ANKRD28: variants seen among roughly 807,000 people sequenced by gnomAD.
ANKRD28 encodes the protein serine/threonine-protein phosphatase 6 regulatory ankyrin repeat subunit A.
In ANKRD28, 44 loss-of-function variants were observed where a neutral mutation model predicts 126.5. The ratio of observed to expected loss-of-function variants is 0.35; its 90% CI spans 0.27 to 0.45. The LOEUF is 0.45. Among genes scored for constraint, ANKRD28 ranks in the 20% least tolerant of loss-of-function variants. The pLI is 1.00. For synonymous variants in ANKRD28, 442 were observed against 468.5 expected (o/e 0.94, Z 0.73); for missense variants, 1,110 against 1,316.6 (o/e 0.84, Z 2.43).
chr3:15,724,328 A>C, intron 7 of ANKRD28, 54 bp downstream of exon 7: 1 of 1,403,186 alleles, frequency 7.1e-7, no homozygotes, highest in Non-Finnish European at 9.7e-7. Flanking sequence ...CAATAATGTA[A>C]TAGTAAGTAT....
chr3:15,680,366 G>A (rs1300724941), intron 21 of ANKRD28, among the ~76,000 whole-genome samples: 2 of 151,844 alleles, frequency 1.3e-5, no homozygotes. Context: ...ACCATGCCCA[G>A]CTAGCTTTTT....
chr3:15,859,377 C>G (rs529879064), exon 1 of ANKRD28: 1 of 1,529,340 alleles, frequency 6.5e-7, no homozygotes, highest in South Asian at 1.2e-5. Context: ...CCTCACCTAC[C>G]TGGTCACGGA....
At chr3:15,793,461 A>G (rs974337677) in intron 2 of ANKRD28, among the ~76,000 whole-genome samples, 2 of 152,302 alleles carry the variant, frequency 1.3e-5, no homozygotes, top group Non-Finnish European at 2.9e-5. Flanking sequence ...TGATGCTCTC[A>G]ATGACTCTGA....
chr3:15,845,986 A>G lies in ANKRD28; in HGVS notation c.27+13391T>C, dbSNP rs1394300566. 6.6e-6 allele frequency among the ~76,000 whole-genome samples: 1 copy of G among 152,168 alleles called. No homozygotes were observed. The highest frequency in any genetic ancestry group is 1.5e-5 in the Non-Finnish European group (1 of 68,028). On this transcript the variant is annotated intron_variant, in intron 1 of 27. Coordinates refer to the ANKRD28 transcript ENST00000399451. This position sits in a 1 kb window ranked among gnomAD's most constrained non-coding sequence, Gnocchi z 4.9. ...GACACATGGAGATTACAATTTGAGA[A>G]GAAATTTGGGTGGGGACACAGAGCC...
chr3:15,813,258 C>T (rs187715592), intron 1 of ANKRD28, among the ~76,000 whole-genome samples: 3 of 151,688 alleles, frequency 2.0e-5, no homozygotes, highest in African/African-American at 7.3e-5. Flanking sequence ...CCCAGCTACT[C>T]GGGAGGCTGA....
chr3:15,709,682 CT>C lies in ANKRD28; in HGVS notation c.1391del (p.Lys464ArgfsTer31). The C allele has an allele frequency of 6.3e-7, 1 of 1,581,960 alleles. No homozygotes were observed. On this transcript the variant is annotated frameshift_variant, in exon 13 of 28. Transcript: ENST00000683139. LOFTEE classifies it high-confidence loss of function. ...LLNTGADFNK[K>X]DKFGRSPLHY... Reference sequence around the variant, plus strand: ...TCATACCCTACCTCCCAAATTTGTCCTTTTTATTAAAGTCTGCACCAGTATT... The same window carrying C: ...TCATACCCTACCTCCCAAATTTGTCCTTTTATTAAAGTCTGCACCAGTATT...
intron 1 of ANKRD28, among the ~76,000 whole-genome samples, chr3:15,857,484 C>T (rs2061798984): frequency 6.6e-6 from 1 of 152,184 alleles, no homozygotes; most frequent in South Asian, 2.1e-4. Flanking sequence ...GGGGTTTCAC[C>T]ATGTTGGCCA....
Position 15,696,251 on chromosome 3 carries a change from TACAACA to T in ANKRD28, c.1548-12_1548-7del. Reference sequence around the variant, plus strand: ...TTAATAAGTATTCCAGGCACCTATATACAACAACAACAACATACTGAAAATCCTAAA... The same window carrying T: ...TTAATAAGTATTCCAGGCACCTATATACAACAACATACTGAAAATCCTAAA... On this transcript the variant is annotated splice_region_variant and splice_polypyrimidine_tract_variant and intron_variant, in intron 14 of 27. Coordinates refer to ENST00000683139, the MANE Select transcript of ANKRD28 (RefSeq NM_001349278.2). The T allele has an allele frequency of 6.6e-7, 1 of 1,507,000 alleles. No individual in the cohort carries two copies. The highest frequency in any genetic ancestry group is 9.1e-7 in the Non-Finnish European group (1 of 1,098,554). The allele number at this position is 1,507,000 out of a possible 1,614,324, so 93.4% of individuals were successfully genotyped here.
intron 1 of ANKRD28, among the ~76,000 whole-genome samples, chr3:15,840,426 T>C (rs1345339355): frequency 2.6e-5 from 4 of 152,178 alleles, no homozygotes; most frequent in African/African-American, 4.8e-5. Flanking sequence ...TGTTCATGGA[T>C]TGGAAGAATC....
In ANKRD28 at chr3:15,859,263, G is replaced by A; in HGVS notation, c.27+114C>T. On this transcript the variant is annotated intron_variant, in intron 1 of 27. Coordinates refer to the ANKRD28 transcript ENST00000399451. Reference sequence around the variant, plus strand: ...CGCAGGTCCCCGGGGCAGGACCCCCGTTTCCCTCGCAACCACCCCGCCGAG... The same window carrying A: ...CGCAGGTCCCCGGGGCAGGACCCCCATTTCCCTCGCAACCACCCCGCCGAG... 6 of 1,441,354 alleles carry A rather than the reference G, an allele frequency of 4.2e-6. No individual in the cohort carries two copies. The South Asian group carries it at 5.2e-5, about 13-fold the overall frequency. The allele number at this position is 1,441,354 out of a possible 1,614,324, so 89.3% of individuals were successfully genotyped here. A position where few individuals can be genotyped will look rare whatever the true frequency, so the allele number is the denominator to read the frequency against.
intron 1 of ANKRD28, among the ~76,000 whole-genome samples, chr3:15,826,857 G>C (rs1253127230): frequency 6.6e-6 from 1 of 152,114 alleles, no homozygotes; most frequent in East Asian, 1.9e-4. Flanking sequence ...AAGTGCAAGG[G>C]AGAGATCAAT....
chr3:15,737,037 C>T lies in ANKRD28; in HGVS notation c.548G>A (p.Gly183Asp), dbSNP rs370900121. 1.2e-6 allele frequency: 2 copies of T among 1,613,820 alleles called. No homozygotes were observed. Among genetic ancestry groups the T allele is most frequent in the Non-Finnish European group, 1.7e-6 (2 of 1,179,864 alleles). ...ALHHAAFSGH[G>D]EMVKLLLSRG... ...GTCTAATTGAATGCCACCTACCTCA[C>T]CATGTCCACTGAAAGCTGCATGATG... Residue 183 changes from glycine to aspartate, a missense_variant, in exon 5 of 28, where the codon GGT becomes GAT. Physicochemically the swap from Gly to Asp is moderately conservative, Grantham distance 94. Coordinates refer to ENST00000683139, the MANE Select transcript of ANKRD28 (RefSeq NM_001349278.2).
At chr3:15,767,703 A>C (rs1170583093) in intron 2 of ANKRD28, among the ~76,000 whole-genome samples, 1 of 12,554 alleles carries the variant, frequency 8.0e-5, no homozygotes, top group African/African-American at 2.8e-4. Context: ...TCTCTACTAA[A>C]AAAAAAAAAA....
At chr3:15,752,858 A>G (rs2057940721) in intron 3 of ANKRD28, among the ~76,000 whole-genome samples, 1 of 152,246 alleles carries the variant, frequency 6.6e-6, no homozygotes, top group East Asian at 1.9e-4. Flanking sequence ...AATGCCTTCA[A>G]TTAGTAGCTC....
intron 4 of ANKRD28, among the ~76,000 whole-genome samples, chr3:15,748,382 G>A (rs1247589347): frequency 6.6e-6 from 1 of 152,168 alleles, no homozygotes; most frequent in African/African-American, 2.4e-5. Flanking sequence ...TGTAGCGCTG[G>A]CTTGGTAGTG....
intron 20 of ANKRD28, 38 bp from the exon 21 acceptor site, chr3:15,685,483 T>C (rs776433430): frequency 1.3e-6 from 2 of 1,591,318 alleles, no homozygotes; most frequent in Non-Finnish European, 1.7e-6. Context: ...AAACATATTA[T>C]GCTAAACATT....
chr3:15,705,646 T>A (rs896540015), intron 14 of ANKRD28, among the ~76,000 whole-genome samples: 2 of 152,220 alleles, frequency 1.3e-5, no homozygotes, highest in Admixed American at 1.3e-4. Flanking sequence ...TTTAAATAGT[T>A]GCTATCTAAA....
At chr3:15,759,180 G>A (rs1008891368) in intron 3 of ANKRD28, among the ~76,000 whole-genome samples, 2 of 152,116 alleles carry the variant, frequency 1.3e-5, no homozygotes, top group African/African-American at 4.8e-5. Context: ...GAAGAAAAAA[G>A]GAAGATTCTG....
At chr3:15,706,650 T>C (rs1447689452) in intron 14 of ANKRD28, among the ~76,000 whole-genome samples, 1 of 152,162 alleles carries the variant, frequency 6.6e-6, no homozygotes, top group East Asian at 1.9e-4. Context: ...TTCTAGATCC[T>C]TGATGAATCG....
Sources: gnomAD v4.1 joint callset for allele counts (sites outside exome capture counted in the v4.1 genomes callset) on GRCh38, gnomAD v4.1.1 for gene constraint, Gnocchi (gnomAD v3.1) non-coding constraint, MANE v1.5 for transcripts, NCBI Gene and HGNC (gene_info 2026-07-23, HGNC 2026-07-21) for gene names.